Variants in MYCBP2 observed in about 807,000 individuals in gnomAD.
MYCBP2 encodes E3 ubiquitin-protein ligase MYCBP2.
In MYCBP2, 120 loss-of-function variants were observed where a neutral mutation model predicts 525.3. That is an observed-to-expected ratio of 0.23 (90% CI 0.20 to 0.27). The LOEUF (loss-of-function observed/expected upper bound fraction) is 0.27. Among genes scored for constraint, MYCBP2 ranks in the 10% least tolerant of loss-of-function variants. MYCBP2 has a pLI of 1.00. For missense variants in MYCBP2, 4,149 were observed against 5,657.1 expected, an observed-to-expected ratio of 0.73 and a Z score of 8.55; for synonymous variants, 1,894 against 1,955.8, an observed-to-expected ratio of 0.97 and a Z score of 0.83.
At position 77,144,490 on chromosome 13, in the gene MYCBP2, T is replaced by G; in HGVS notation, c.7258A>C (p.Ile2420Leu). Residue 2420 changes from isoleucine to leucine, a missense_variant, in exon 49 of 83, where the codon ATT becomes CTT. Coordinates refer to ENST00000544440, the MANE Select transcript of MYCBP2 (RefSeq NM_015057.5). ...TYCANWTPGA[I>L]GLYTLHVTID... ...GTAACATGAAGAGTGTAGAGTCCAA[T>G]AGCCCCTGGAGTCCAATTTGCACAA... The G allele has an allele frequency of 6.2e-7, 1 of 1,613,856 alleles. No individual in the cohort carries two copies. Among genetic ancestry groups the G allele is most frequent in the South Asian group, 1.1e-5 (1 of 91,074 alleles).
intron 18 of MYCBP2, among the ~76,000 whole-genome samples, chr13:77,226,673 T>G (rs1401660474): frequency 6.6e-6 from 1 of 152,230 alleles, no homozygotes; most frequent in East Asian, 1.9e-4. Context: ...AATCATTTTG[T>G]GTTTATTCTT....
intron 1 of MYCBP2, among the ~76,000 whole-genome samples, chr13:77,300,971 A>T (rs1384606676): frequency 6.6e-6 from 1 of 152,166 alleles, no homozygotes; most frequent in Non-Finnish European, 1.5e-5. Context: ...GAGGAACTCT[A>T]ATAAAGGAAA....
At chr13:77,221,937 C>A (rs895397965) in intron 20 of MYCBP2, among the ~76,000 whole-genome samples, 3 of 152,132 alleles carry the variant, frequency 2.0e-5, no homozygotes, top group Non-Finnish European at 4.4e-5. Context: ...TTTAAAACAT[C>A]TCTAGATTAC....
chr13:77,133,933 C>T (rs900169307), intron 52 of MYCBP2, among the ~76,000 whole-genome samples: 3 of 152,068 alleles, frequency 2.0e-5, no homozygotes, highest in African/African-American at 7.2e-5. Context: ...GAACTTCACC[C>T]CATGTTATTT....
chr13:77,294,752 T>C (rs1442607980), intron 2 of MYCBP2, among the ~76,000 whole-genome samples: 1 of 152,248 alleles, frequency 6.6e-6, no homozygotes, highest in Non-Finnish European at 1.5e-5. Context: ...TTCCCTCCTC[T>C]ATCCCAGAAG....
At chr13:77,248,107 G>C (rs1466665567) in intron 15 of MYCBP2, among the ~76,000 whole-genome samples, 2 of 145,762 alleles carry the variant, frequency 1.4e-5, no homozygotes, top group Non-Finnish European at 3.0e-5. Flanking sequence ...TAACCTGCAC[G>C]TTGCGCACAT....
intron 18 of MYCBP2, among the ~76,000 whole-genome samples, chr13:77,228,571 C>T (rs1042345278): frequency 2.0e-5 from 3 of 150,910 alleles, no homozygotes; most frequent in Non-Finnish European, 4.4e-5. Flanking sequence ...AGCAATAAGA[C>T]CAAAGCTTAG....
chr13:77,289,611 T>C (rs1168743124), intron 2 of MYCBP2, among the ~76,000 whole-genome samples: 1 of 152,116 alleles, frequency 6.6e-6, no homozygotes, highest in Non-Finnish European at 1.5e-5. Flanking sequence ...ATAGACTGAA[T>C]GCTTTCCCTC....
At chr13:77,135,471 A>G (rs1260809070) in intron 52 of MYCBP2, among the ~76,000 whole-genome samples, 1 of 152,176 alleles carries the variant, frequency 6.6e-6, no homozygotes, top group African/African-American at 2.4e-5. Flanking sequence ...GCACAGTCAG[A>G]TACTCATAAA....
intron 1 of MYCBP2, among the ~76,000 whole-genome samples, chr13:77,298,407 G>A (rs1567194619): frequency 6.6e-6 from 1 of 152,178 alleles, no homozygotes; most frequent in Non-Finnish European, 1.5e-5. Context: ...GTATGGAACT[G>A]TTTAATGTAT....
rs761315369 is a variant in MYCBP2, at chr13:77,087,526, T to C, written c.10833A>G (p.Glu3611=). 4.3e-6 allele frequency: 7 copies of C among 1,613,050 alleles called. No individual in the cohort carries two copies. Among genetic ancestry groups the C allele is most frequent in the Non-Finnish European group, 5.9e-6 (7 of 1,179,532 alleles). ...TGCTTGTTTTATTTTCTTCATCCTC[T>C]TCTTCCTCTGGTTCCACTGGTGCAG... ...LTPAPVEPEE[E]EDEENKTSKE... is the part of the protein sequence containing the mutation. The change falls in exon 62 of 83, where the codon GAA becomes GAG. Residue 3611 remains glutamate, a synonymous_variant. Transcript: ENST00000544440.
chr13:77,057,353 C>A (rs1016790095), intron 78 of MYCBP2, among the ~76,000 whole-genome samples: 1 of 151,942 alleles, frequency 6.6e-6, no homozygotes, highest in Non-Finnish European at 1.5e-5. Flanking sequence ...ATAAAGTAAG[C>A]TAGGTTAGGA....
Position 77,058,275 on chromosome 13 carries a change from G to A in MYCBP2, c.13272C>T (p.Ala4424=), listed in dbSNP as rs750671589. ...TGAAACATATCATGCACATGTCATC[G>A]GCGTCTTGCTTCAGGCTTGTGGCAC... ...DKSATSLKQD[A]DDMCMICFTE... Residue 4424 remains alanine, a synonymous_variant, in exon 78 of 83, where the codon GCC becomes GCT. Transcript: ENST00000544440. This position sits in a 1 kb window ranked among gnomAD's most constrained non-coding sequence, Gnocchi z 4.1. 9.9e-6 allele frequency: 16 copies of A among 1,614,136 alleles called. No homozygotes were observed. Among genetic ancestry groups the A allele is most frequent in the Admixed American group, 8.3e-5 (5 of 60,016 alleles).
Position 77,118,797 on chromosome 13 carries a change from G to A in MYCBP2, c.8140+2576C>T, listed in dbSNP as rs113779220. On this transcript the variant is annotated intron_variant, in intron 55 of 82. Transcript: ENST00000544440. Reference sequence around the variant, plus strand: ...ATGTATGGGAGAACGAAGACTCTATGAAGAATCAGTGATAAATTGCTTCAA... The same window carrying A: ...ATGTATGGGAGAACGAAGACTCTATAAAGAATCAGTGATAAATTGCTTCAA... Among the ~76,000 whole-genome samples the A allele has an allele frequency of 2.0e-3, 301 of 152,084 alleles. 2 individuals are homozygous for A. Among genetic ancestry groups the A allele is most frequent in the African/African-American group, 5.3e-3 (219 of 41,478 alleles).
rs2071156768 is a variant in MYCBP2 at position 77,251,223 on chromosome 13, G to A, written c.2309C>T (p.Thr770Ile). Residue 770 changes from threonine (T) to isoleucine (I), a missense_variant, in exon 15 of 83, where the codon ACT becomes ATT. Coordinates refer to ENST00000544440, the MANE Select transcript of MYCBP2 (RefSeq NM_015057.5). ...KWKLEQCMVC[T>I]VCGDCTGYGA... ...ATAACCTGTACAGTCTCCACAGACAGTGCAAACCATGCACTGCTCCAGCTT... is the reference window on the plus strand; with the variant it reads ...ATAACCTGTACAGTCTCCACAGACAATGCAAACCATGCACTGCTCCAGCTT... The A allele has an allele frequency of 6.2e-7, 1 of 1,614,202 alleles. No homozygotes were observed. The highest frequency in any genetic ancestry group is 8.5e-7 in the Non-Finnish European group (1 of 1,180,046).
intron 14 of MYCBP2, among the ~76,000 whole-genome samples, chr13:77,256,021 A>C (rs1021930304): frequency 1.3e-5 from 2 of 152,076 alleles, no homozygotes; most frequent in African/African-American, 4.8e-5. Flanking sequence ...TTACAACCAC[A>C]ACAACAAAAC....
chr13:77,068,432 C>A, intron 70 of MYCBP2, 133 bp downstream of exon 70: 1 of 1,046,384 alleles, frequency 9.6e-7, no homozygotes. Flanking sequence ...AAATACAGGC[C>A]CCAAACAAAA....
chr13:77,144,398 T>C, intron 49 of MYCBP2, 47 bp downstream of exon 49: 1 of 1,290,466 alleles, frequency 7.7e-7, no homozygotes, highest in Non-Finnish European at 1.1e-6. Context: ...TAATTTTGAC[T>C]CTAGTTATTT....
intron 58 of MYCBP2, among the ~76,000 whole-genome samples, chr13:77,095,117 T>C (rs2046041263): frequency 6.6e-6 from 1 of 152,192 alleles, no homozygotes; most frequent in South Asian, 2.1e-4. Flanking sequence ...TCTTATTTTC[T>C]AAGACATGTT....
Sources: gnomAD v4.1 joint callset for allele counts (sites outside exome capture counted in the v4.1 genomes callset) on GRCh38, gnomAD v4.1.1 for gene constraint, Gnocchi (gnomAD v3.1) non-coding constraint, MANE v1.5 for transcripts, NCBI Gene and HGNC (gene_info 2026-07-23, HGNC 2026-07-21) for gene names.